PCDHA1: variants seen among roughly 807,000 people sequenced by gnomAD.
The protein encoded by PCDHA1 is protocadherin alpha 1.
A neutral mutation model predicts 61.3 loss-of-function variants in PCDHA1; 42 were observed. The observed-to-expected ratio is 0.69, with a 90% CI of 0.54 to 0.89. The LOEUF (loss-of-function observed/expected upper bound fraction) is 0.89. Among genes scored for constraint, PCDHA1 ranks in the 40% least tolerant of loss-of-function variants. The pLI is 0.00. For synonymous variants in PCDHA1, 610 were observed against 553.8 expected, an observed-to-expected ratio of 1.10 and a Z score of -1.43; for missense variants, 1,256 against 1,235.3, an observed-to-expected ratio of 1.02 and a Z score of -0.25.
At chr5:140,927,893 A>G (rs1554205201) in intron 1 of PCDHA1, 1 of 1,614,050 alleles carries the variant, frequency 6.2e-7, no homozygotes, top group Non-Finnish European at 8.5e-7. Flanking sequence ...ACTGACGTGA[A>G]CGATCATGCC....
chr5:140,922,275 C>T (rs782815629), intron 1 of PCDHA1, among the ~76,000 whole-genome samples: 1 of 152,052 alleles, frequency 6.6e-6, no homozygotes, highest in Non-Finnish European at 1.5e-5. Context: ...AAGATTGGAC[C>T]AAGATATGAA....
At position 140,856,841 on chromosome 5, in the gene PCDHA1, G is replaced by A. The variant is rs781868199; in HGVS notation, c.2394+68157G>A. On this transcript the variant is annotated intron_variant, in intron 1 of 3. Transcript: ENST00000504120. Reference sequence around the variant, plus strand: ...CCAAACATTAGTAATACGGCTCAACGCTTCTGATTCGGATGAAGGAATAAA... The same window carrying A: ...CCAAACATTAGTAATACGGCTCAACACTTCTGATTCGGATGAAGGAATAAA... 1.3e-5 allele frequency: 20 copies of A among 1,592,418 alleles called. 3 individuals are homozygous for A. The highest frequency in any genetic ancestry group is 3.4e-5 in the Admixed American group (2 of 59,178).
chr5:140,997,668 T>TTGTGTGTGTGTGTGTG (rs35184029), intron 3 of PCDHA1, among the ~76,000 whole-genome samples: 13 of 148,244 alleles, frequency 8.8e-5, no homozygotes, highest in African/African-American at 2.2e-4. Flanking sequence ...ATTATACAGC[T>TTGTGTGTGTGTGTGTG]TGTGTGTGTG....
At chr5:140,796,715 C>A (rs1005604717) in intron 1 of PCDHA1, 2 of 1,614,032 alleles carry the variant, frequency 1.2e-6, no homozygotes, top group African/African-American at 2.7e-5. Context: ...GTGCCGTGGT[C>A]GGTGGGTGCA....
In PCDHA1 at chr5:140,927,795, G is replaced by T; in HGVS notation, c.2395-51154G>T. ...TGCAAGTAGCTGCTTCACTAGGTCC[G>T]CCTGAAACGCTCTTGGAGGCATACA... On this transcript the variant is annotated intron_variant, in intron 1 of 3. Transcript: ENST00000504120. The T allele has an allele frequency of 1.9e-6, 3 of 1,614,144 alleles. 1 individual carries two copies. The highest frequency in any genetic ancestry group is 2.2e-5 in the South Asian group (2 of 91,080).
In PCDHA1 at chr5:140,833,167, C is replaced by T. The variant is rs2150206724; in HGVS notation, c.2394+44483C>T. 5.9e-5 allele frequency among the ~76,000 whole-genome samples: 9 copies of T among 152,184 alleles called. 1 individual carries two copies. The East Asian group carries it at 9.6e-4, about 16-fold the overall frequency. Reference sequence around the variant, plus strand: ...AAGCAATACGAATAAAAAGTATTAACGGAAGATGACTGCAAGGATTAAATG... The same window carrying T: ...AAGCAATACGAATAAAAAGTATTAATGGAAGATGACTGCAAGGATTAAATG... On this transcript the variant is annotated intron_variant, in intron 1 of 3. Transcript: ENST00000504120.
chr5:140,920,927 A>G (rs1350465462), intron 1 of PCDHA1, among the ~76,000 whole-genome samples: 1 of 151,716 alleles, frequency 6.6e-6, no homozygotes, highest in East Asian at 1.9e-4. Context: ...AGAGTAGGTG[A>G]TCTAGCCCTT....
At chr5:140,856,849 T>G (rs1327483649) in intron 1 of PCDHA1, 1 of 1,593,444 alleles carries the variant, frequency 6.3e-7, no homozygotes, top group African/African-American at 1.3e-5. Flanking sequence ...ACGCTTCTGA[T>G]TCGGATGAAG....
chr5:140,965,830 A>G (rs2095939833), intron 1 of PCDHA1, among the ~76,000 whole-genome samples: 1 of 152,208 alleles, frequency 6.6e-6, no homozygotes, highest in African/African-American at 2.4e-5. Flanking sequence ...ACATTTAAAT[A>G]TTGGTTATTT....
chr5:140,823,547 C>T (rs1218932812), intron 1 of PCDHA1: 3 of 1,613,724 alleles, frequency 1.9e-6, no homozygotes, highest in Non-Finnish European at 2.5e-6. Context: ...CACGTGGTGG[C>T]GAAGGTGCGC....
At chr5:140,979,865 G>C (rs2096867408) in intron 2 of PCDHA1, among the ~76,000 whole-genome samples, 1 of 152,162 alleles carries the variant, frequency 6.6e-6, no homozygotes, top group Non-Finnish European at 1.5e-5. Flanking sequence ...CAAAATATCT[G>C]GGCAACTATC....
In PCDHA1 at chr5:140,808,372, C is replaced by G. The variant is rs781953754; in HGVS notation, c.2394+19688C>G. The stretch of plus-strand genomic sequence containing the variant: ...GCTCCTTGACGTCCCACGTCCCCTT[C>G]AAGCTGGTGTCCACCTTCAAGAATT... On this transcript the variant is annotated intron_variant, in intron 1 of 3. Coordinates refer to ENST00000504120, the MANE Select transcript of PCDHA1 (RefSeq NM_018900.4). 1.2e-6 allele frequency: 2 copies of G among 1,614,200 alleles called. No individual in the cohort carries two copies. The highest frequency in any genetic ancestry group is 3.3e-5 in the Admixed American group (2 of 60,036).
chr5:140,862,608 A>G (rs565248341), intron 1 of PCDHA1: 1 of 519,626 alleles, frequency 1.9e-6, no homozygotes, highest in East Asian at 5.2e-5. Flanking sequence ...TGTTCGTGAA[A>G]GGTAACAACC....
intron 1 of PCDHA1, among the ~76,000 whole-genome samples, chr5:140,925,210 C>G (rs1319343041): frequency 1.3e-5 from 2 of 152,122 alleles, no homozygotes; most frequent in Admixed American, 6.5e-5. Context: ...ATTATCGATA[C>G]TTTTAGGCAG....
intron 1 of PCDHA1, chr5:140,809,117 C>A (rs142688560): frequency 2.5e-6 from 4 of 1,613,992 alleles, no homozygotes; most frequent in South Asian, 2.2e-5. Context: ...GGACGCTCCG[C>A]GCCACCGCCT....
chr5:140,895,720 C>A (rs1473250558), intron 1 of PCDHA1, among the ~76,000 whole-genome samples: 2 of 152,136 alleles, frequency 1.3e-5, no homozygotes, highest in African/African-American at 4.8e-5. Flanking sequence ...ATGGCCTGCA[C>A]CTCCATTCAA....
intron 1 of PCDHA1, among the ~76,000 whole-genome samples, chr5:140,939,880 G>T (rs2092484713): frequency 6.6e-6 from 1 of 152,140 alleles, no homozygotes; most frequent in African/African-American, 2.4e-5. Context: ...TTTGCTAGTT[G>T]TGTTGTTCAA....
intron 1 of PCDHA1, chr5:140,831,268 T>C (rs1361595805): frequency 1.3e-5 from 2 of 152,248 alleles, no homozygotes; most frequent in Non-Finnish European, 2.9e-5. Flanking sequence ...TGAATTTCAC[T>C]TGATGGTCTT....
At chr5:140,941,042 T>C (rs532611705) in intron 1 of PCDHA1, among the ~76,000 whole-genome samples, 11 of 152,310 alleles carry the variant, frequency 7.2e-5, no homozygotes, top group African/African-American at 2.2e-4. Context: ...TGGTGCCAAG[T>C]CAAATTCCCC....
Sources: allele counts gnomAD v4.1 joint callset (sites outside exome capture counted in the v4.1 genomes callset), GRCh38; gene constraint gnomAD v4.1.1; transcripts MANE v1.5; gene names NCBI Gene and HGNC (gene_info 2026-07-23, HGNC 2026-07-21).